ERC2: variants seen among roughly 807,000 people sequenced by gnomAD.
ERC2 encodes the protein ELKS/RAB6-interacting/CAST family member 2, also known as ERC protein 2.
Under a neutral mutation model 114.8 loss-of-function variants are expected in ERC2, and 42 were observed. The ratio of observed to expected loss-of-function variants is 0.37; its 90% CI spans 0.29 to 0.47. ERC2 has a LOEUF of 0.47. Ranked by LOEUF, ERC2 falls within the 20% of genes least tolerant of loss-of-function variation. The pLI, the probability that ERC2 is intolerant of heterozygous loss-of-function variation, is 0.99. For missense variants in ERC2, 939 were observed against 1,150.7 expected (o/e 0.82, Z 2.66); for synonymous variants, 454 against 425.5 (o/e 1.07, Z -0.82).
intron 7 of ERC2, among the ~76,000 whole-genome samples, chr3:56,030,792 T>A (rs984556385): frequency 1.3e-5 from 2 of 152,342 alleles, no homozygotes; most frequent in South Asian, 4.1e-4. Flanking sequence ...TAAGTAATTA[T>A]ACCCTCCGAA....
intron 14 of ERC2, among the ~76,000 whole-genome samples, chr3:55,788,129 T>C: frequency 6.6e-6 from 1 of 152,250 alleles, no homozygotes; most frequent in South Asian, 2.1e-4. Context: ...TTCACCTTAA[T>C]TACTGTTTAG....
At chr3:55,553,716 C>G (rs1472085638) in intron 17 of ERC2, among the ~76,000 whole-genome samples, 1 of 151,872 alleles carries the variant, frequency 6.6e-6, no homozygotes, top group East Asian at 1.9e-4. Context: ...GGAGGTGGAG[C>G]TTGCCGTGAG....
intron 6 of ERC2, among the ~76,000 whole-genome samples, chr3:56,094,201 G>A (rs975738626): frequency 1.3e-5 from 2 of 152,186 alleles, no homozygotes; most frequent in Admixed American, 6.5e-5. Context: ...GGTAAGAAAG[G>A]TTTGAGTGTG....
At chr3:56,169,392 G>A (rs1490480900) in intron 4 of ERC2, among the ~76,000 whole-genome samples, 1 of 152,166 alleles carries the variant, frequency 6.6e-6, no homozygotes, top group Non-Finnish European at 1.5e-5. Flanking sequence ...TGCTAAGTTT[G>A]GAGTGAAGCT....
intron 7 of ERC2, among the ~76,000 whole-genome samples, chr3:56,062,529 CA>C (rs1217893378): frequency 6.6e-6 from 1 of 152,140 alleles, no homozygotes; most frequent in Admixed American, 6.5e-5. Context: ...ATGCTGATTA[CA>C]AAAAATAATA....
At chr3:56,443,647 T>G (rs2062422293) in intron 1 of ERC2, among the ~76,000 whole-genome samples, 1 of 152,026 alleles carries the variant, frequency 6.6e-6, no homozygotes, top group Non-Finnish European at 1.5e-5. Context: ...GGAGCTTGTT[T>G]TGACACTTGG....
chr3:55,620,551 C>T (rs575329109), intron 17 of ERC2, among the ~76,000 whole-genome samples: 9 of 152,290 alleles, frequency 5.9e-5, no homozygotes, highest in African/African-American at 2.2e-4. Context: ...CTAACCCCAC[C>T]GTCTGCTTCC....
chr3:55,876,138 C>T (rs1018458889), intron 14 of ERC2, among the ~76,000 whole-genome samples: 4 of 152,192 alleles, frequency 2.6e-5, no homozygotes, highest in African/African-American at 9.6e-5. Flanking sequence ...CATGCTATTC[C>T]TCCCTTAAAA....
intron 3 of ERC2, among the ~76,000 whole-genome samples, chr3:56,212,947 A>G (rs546984748): frequency 7.9e-5 from 12 of 152,230 alleles, no homozygotes; most frequent in African/African-American, 1.7e-4. Flanking sequence ...CAAACATTCT[A>G]TGTTCTCATT....
At chr3:56,064,080 C>T (rs1432573383) in intron 7 of ERC2, among the ~76,000 whole-genome samples, 1 of 152,150 alleles carries the variant, frequency 6.6e-6, no homozygotes, top group African/African-American at 2.4e-5. Flanking sequence ...TAAATCAATA[C>T]CTACATCCTC....
intron 3 of ERC2, among the ~76,000 whole-genome samples, chr3:56,279,541 CTG>C (rs539675170): frequency 3.1e-3 from 468 of 152,266 alleles, no homozygotes; most frequent in Non-Finnish European, 4.5e-3. Flanking sequence ...CAGAAGCTGG[CTG>C]TTCAGCAAAG....
intron 13 of ERC2, among the ~76,000 whole-genome samples, chr3:55,941,144 A>G (rs1045297129): frequency 6.6e-6 from 1 of 152,186 alleles, no homozygotes; most frequent in Non-Finnish European, 1.5e-5. Flanking sequence ...TTGGCCAACT[A>G]TGATTGCTTT....
At chr3:56,387,456 A>T (rs574048778) in intron 2 of ERC2, among the ~76,000 whole-genome samples, 2 of 152,288 alleles carry the variant, frequency 1.3e-5, no homozygotes, top group African/African-American at 4.8e-5. Context: ...AGTGGACCAT[A>T]CTAAATATTA....
intron 17 of ERC2, among the ~76,000 whole-genome samples, chr3:55,673,119 A>G (rs1292861227): frequency 6.6e-6 from 1 of 152,128 alleles, no homozygotes; most frequent in Admixed American, 6.5e-5. Context: ...TCCCTTTCTC[A>G]TTCCACATTC....
chr3:56,356,145 T>C (rs2058737227), intron 2 of ERC2, among the ~76,000 whole-genome samples: 2 of 152,176 alleles, frequency 1.3e-5, no homozygotes, highest in Non-Finnish European at 2.9e-5. Flanking sequence ...AGATTATTTT[T>C]AAGGGGGATG....
At position 55,952,175 on chromosome 3, in the gene ERC2, ACACAC is replaced by A. The variant is rs1489515185; in HGVS notation, c.2268-1620_2268-1616del. ...CACACACACACACACACACACACAC[ACACAC>A]TCTCTCTCTCTCTCTCTCTATATAT... On this transcript the variant is annotated intron_variant, in intron 12 of 17. Transcript: ENST00000288221. Among the ~76,000 whole-genome samples, 479 of 63,198 alleles carry A rather than the reference ACACAC, an allele frequency of 7.6e-3. 28 individuals carry two copies. The highest frequency in any genetic ancestry group is 0.014 in the South Asian group (21 of 1,474). The allele number at this position is 63,198 out of a possible 152,430, so 41.5% of individuals were successfully genotyped here. A position where few individuals can be genotyped will look rare whatever the true frequency, so the allele number is the denominator to read the frequency against.
At chr3:56,455,742 A>T (rs2063033246) in intron 1 of ERC2, among the ~76,000 whole-genome samples, 2 of 152,208 alleles carry the variant, frequency 1.3e-5, no homozygotes, top group Admixed American at 1.3e-4. Flanking sequence ...ATAGAAGATA[A>T]ACTACGTCTC....
intron 17 of ERC2, among the ~76,000 whole-genome samples, chr3:55,639,009 G>A (rs1214961067): frequency 1.3e-5 from 2 of 152,160 alleles, no homozygotes; most frequent in Non-Finnish European, 2.9e-5. Flanking sequence ...GACAATACCT[G>A]AGCGTTGAGA....
At chr3:56,451,333 C>T (rs1355068905) in intron 1 of ERC2, among the ~76,000 whole-genome samples, 1 of 151,430 alleles carries the variant, frequency 6.6e-6, no homozygotes, top group Non-Finnish European at 1.5e-5. Flanking sequence ...GGCATAATCA[C>T]ATACGTGAGG....
Sources: allele counts gnomAD v4.1 joint callset (sites outside exome capture counted in the v4.1 genomes callset), GRCh38; gene constraint gnomAD v4.1.1; transcripts MANE v1.5; gene names NCBI Gene and HGNC (gene_info 2026-07-23, HGNC 2026-07-21).